The following ZNF593 variants were observed in gnomAD, a reference collection of about 807,000 sequenced individuals.
ZNF593 encodes the protein BUD20 homolog.
ZNF593 carries 18 observed loss-of-function variants against 12.9 expected under a neutral mutation model. That is an observed-to-expected ratio of 1.40 (90% CI 0.96 to 2.07). ZNF593 has a LOEUF of 2.07. Among genes scored for constraint, ZNF593 ranks in the 30% most tolerant of loss-of-function variants. ZNF593 has a pLI of 0.00. For synonymous variants in ZNF593, 79 were observed against 79.9 expected, an observed-to-expected ratio of 0.99 and a Z score of 0.06; for missense variants, 198 against 186.7, an observed-to-expected ratio of 1.06 and a Z score of -0.35.
In ZNF593 at chr1:26,170,126, A is replaced by T; in HGVS notation, c.143A>T (p.Asn48Ile). ...QGSARPQPDP[N>I]AEFDPDLPGG... ...TCCGCACGACCCCAGCCCGACCCAA[A>T]CGCCGAGTTCGACCCCGACCTGCCA... Residue 48 changes from asparagine (N) to isoleucine (I), a missense_variant, in exon 1 of 3, where the codon AAC becomes ATC. Coordinates refer to ENST00000374266, the MANE Select transcript of ZNF593 (RefSeq NM_015871.5). The T allele has an allele frequency of 3.2e-6, 5 of 1,571,764 alleles. No homozygotes were observed. The highest frequency in any genetic ancestry group is 4.3e-6 in the Non-Finnish European group (5 of 1,160,908).
intron 2 of ZNF593, 39 bp downstream of exon 2, chr1:26,170,519 C>T (rs771697848): frequency 7.4e-6 from 12 of 1,614,156 alleles, no homozygotes; most frequent in Non-Finnish European, 1.0e-5. Context: ...GATGGGTGCT[C>T]AGCAGATAGG....
chr1:26,170,451 C>A lies in ZNF593; in HGVS notation c.234C>A (p.Thr78=). 1 of 1,614,186 alleles carries A rather than the reference C, an allele frequency of 6.2e-7. No individual in the cohort carries two copies. The highest frequency in any genetic ancestry group is 8.5e-7 in the Non-Finnish European group (1 of 1,180,030). ...TCATCGATTCCACCAACCTGAAGAC[C>A]CACTTCCGATCCAAAGACCACAAGA... ...RYFIDSTNLK[T]HFRSKDHKKR... The change falls in exon 2 of 3, where the codon ACC becomes ACA. Residue 78 remains threonine, a synonymous_variant. Coordinates refer to ENST00000374266, the MANE Select transcript of ZNF593 (RefSeq NM_015871.5).
At position 26,170,177 on chromosome 1, in the gene ZNF593, C is replaced by T; in HGVS notation, c.194C>T (p.Ala65Val). The T allele has an allele frequency of 1.3e-6, 2 of 1,572,048 alleles. No homozygotes were observed. Among genetic ancestry groups the T allele is most frequent in the South Asian group, 1.1e-5 (1 of 87,490 alleles). ...GGGGGCGGTCTGCACCGCTGTCTGG[C>T]CTGCGCGTGAGTCCCGGACGAGCCC... ...LPGGGLHRCL[A>V]CARYFIDSTN... The change falls in exon 1 of 3, where the codon GCC (alanine) becomes GTC (valine). Residue 65 changes from alanine to valine, a missense_variant. Transcript: ENST00000374266.
Position 26,170,094 on chromosome 1 carries a change from T to C in ZNF593, c.111T>C (p.Pro37=). The part of the protein sequence containing the change: ...DLDEIHRELR[P]QGSARPQPDP... ...ATGAGATTCACCGCGAGCTGCGGCC[T>C]CAGGGATCCGCACGACCCCAGCCCG... The change falls in exon 1 of 3, where the codon CCT becomes CCC. Residue 37 remains proline, a synonymous_variant. Transcript: ENST00000374266. The C allele has an allele frequency of 6.4e-7, 1 of 1,571,604 alleles. No homozygotes were observed. The highest frequency in any genetic ancestry group is 8.6e-7 in the Non-Finnish European group (1 of 1,161,030).
rs1331241966 is a variant in ZNF593, at chr1:26,170,821, G to A, written c.*105G>A. 7.0e-6 allele frequency: 10 copies of A among 1,426,214 alleles called. No homozygotes were observed. The South Asian group carries it at 8.3e-5, about 12-fold the overall frequency. 88.3% of individuals were successfully genotyped at this position (1,426,214 alleles called of 1,614,324 possible). ...CCTTTTGCCTCTGGGTTTGGGGAGC[G>A]GAGGGCCTCTTCTTGGTGCCCTGCC... On this transcript the variant is annotated 3_prime_UTR_variant, in exon 3 of 3. Transcript: ENST00000374266.
chr1:26,170,064 C>G lies in ZNF593; in HGVS notation c.81C>G (p.Asp27Glu). 6.4e-7 allele frequency: 1 copy of G among 1,574,118 alleles called. No homozygotes were observed. Among genetic ancestry groups the G allele is most frequent in the Non-Finnish European group, 8.6e-7 (1 of 1,163,200 alleles). The change falls in exon 1 of 3, where the codon GAC (aspartate) becomes GAG (glutamate). Residue 27 changes from aspartate (D) to glutamate (E), a missense_variant. Physicochemically the swap from Asp to Glu is conservative, Grantham distance 45. Coordinates refer to ENST00000374266, the MANE Select transcript of ZNF593 (RefSeq NM_015871.5). ...RQMKAKRRRP[D>E]LDEIHRELRP... is the part of the protein sequence containing the mutation. Reference sequence around the variant, plus strand: ...TGAAGGCGAAGCGGCGGCGGCCGGACTTGGATGAGATTCACCGCGAGCTGC... The same window carrying G: ...TGAAGGCGAAGCGGCGGCGGCCGGAGTTGGATGAGATTCACCGCGAGCTGC...
Position 26,170,188 on chromosome 1 carries a change from G to A in ZNF593, c.200+5G>A, listed in dbSNP as rs2088472390. The A allele has an allele frequency of 6.4e-7, 1 of 1,573,400 alleles. No homozygotes were observed. The highest frequency in any genetic ancestry group is 1.1e-5 in the South Asian group (1 of 87,812). On this transcript the variant is annotated splice_donor_5th_base_variant and intron_variant, in intron 1 of 2. Coordinates refer to ENST00000374266, the MANE Select transcript of ZNF593 (RefSeq NM_015871.5). ...GCACCGCTGTCTGGCCTGCGCGTGAGTCCCGGACGAGCCCGGCCTGGGGCG... is the reference window on the plus strand; with the variant it reads ...GCACCGCTGTCTGGCCTGCGCGTGAATCCCGGACGAGCCCGGCCTGGGGCG...
chr1:26,170,300 C>T, intron 1 of ZNF593, 117 bp downstream of exon 1: 1 of 1,521,656 alleles, frequency 6.6e-7, no homozygotes, highest in Admixed American at 1.9e-5. Flanking sequence ...CGTGGGTCCG[C>T]CCGCCTCCCG....
At chr1:26,170,222 T>A in intron 1 of ZNF593, 39 bp downstream of exon 1, 1 of 1,580,478 alleles carries the variant, frequency 6.3e-7, no homozygotes, top group Non-Finnish European at 8.6e-7. Context: ...CGGAGGAGGG[T>A]CCGCGGTACC....
chr1:26,170,048 A>G lies in ZNF593; in HGVS notation c.65A>G (p.Lys22Arg), dbSNP rs370780664. The G allele has an allele frequency of 1.3e-6, 2 of 1,573,960 alleles. No homozygotes were observed. The change falls in exon 1 of 3, where the codon AAG becomes AGG. Residue 22 changes from lysine (K) to arginine (R), a missense_variant. Physicochemically the swap from Lys to Arg is conservative, Grantham distance 26. Transcript: ENST00000374266. ...TCTCTAGCCCGGCAGATGAAGGCGA[A>G]GCGGCGGCGGCCGGACTTGGATGAG... is the stretch of plus-strand genomic sequence containing the variant. ...AHSLARQMKAKRRRPDLDEIH... is the reference protein window; with the variant it reads ...AHSLARQMKARRRRPDLDEIH...
At position 26,170,816 on chromosome 1, in the gene ZNF593, G is replaced by C. The variant is rs1044433282; in HGVS notation, c.*100G>C. On this transcript the variant is annotated 3_prime_UTR_variant, in exon 3 of 3. Coordinates refer to ENST00000374266, the MANE Select transcript of ZNF593 (RefSeq NM_015871.5). ...CAACCCCTTTTGCCTCTGGGTTTGGGGAGCGGAGGGCCTCTTCTTGGTGCC... is the reference window on the plus strand; with the variant it reads ...CAACCCCTTTTGCCTCTGGGTTTGGCGAGCGGAGGGCCTCTTCTTGGTGCC... The C allele has an allele frequency of 6.9e-7, 1 of 1,448,454 alleles. No homozygotes were observed. Among genetic ancestry groups the C allele is most frequent in the African/African-American group, 1.4e-5 (1 of 70,748 alleles). The allele number at this position is 1,448,454 out of a possible 1,614,324, so 89.7% of individuals were successfully genotyped here. A position where few individuals can be genotyped will look rare whatever the true frequency, so the allele number is the denominator to read the frequency against.
At chr1:26,170,324 G>T in intron 1 of ZNF593, 94 bp from the exon 2 acceptor site, 2 of 1,535,254 alleles carry the variant, frequency 1.3e-6, no homozygotes, top group Non-Finnish European at 1.8e-6. Context: ...CTCAGACCCG[G>T]ATCCTGGCGT....
chr1:26,170,098 G>A lies in ZNF593; in HGVS notation c.115G>A (p.Gly39Arg), dbSNP rs1391505162. ...GATTCACCGCGAGCTGCGGCCTCAG[G>A]GATCCGCACGACCCCAGCCCGACCC... ...DEIHRELRPQ[G>R]SARPQPDPNA... Residue 39 changes from glycine to arginine, a missense_variant, in exon 1 of 3, where the codon GGA becomes AGA. Coordinates refer to ENST00000374266, the MANE Select transcript of ZNF593 (RefSeq NM_015871.5). 6.4e-7 allele frequency: 1 copy of A among 1,570,700 alleles called. No homozygotes were observed. The highest frequency in any genetic ancestry group is 8.6e-7 in the Non-Finnish European group (1 of 1,160,466).
At position 26,170,157 on chromosome 1, in the gene ZNF593, C is replaced by A. The variant is rs1467263576; in HGVS notation, c.174C>A (p.Gly58=). ...NAEFDPDLPG[G]GLHRCLACAR... is the part of the protein sequence containing the mutation. ...AGTTCGACCCCGACCTGCCAGGGGGCGGTCTGCACCGCTGTCTGGCCTGCG... is the reference window on the plus strand; with the variant it reads ...AGTTCGACCCCGACCTGCCAGGGGGAGGTCTGCACCGCTGTCTGGCCTGCG... The change falls in exon 1 of 3, where the codon GGC becomes GGA. Residue 58 remains glycine (G), a synonymous_variant. Coordinates refer to ENST00000374266, the MANE Select transcript of ZNF593 (RefSeq NM_015871.5). The A allele has an allele frequency of 6.4e-7, 1 of 1,570,730 alleles. No homozygotes were observed. The highest frequency in any genetic ancestry group is 8.6e-7 in the Non-Finnish European group (1 of 1,160,862).
chr1:26,170,323 G>A, intron 1 of ZNF593, 95 bp from the exon 2 acceptor site: 3 of 1,532,430 alleles, frequency 2.0e-6, no homozygotes, highest in South Asian at 2.4e-5. Flanking sequence ...TCTCAGACCC[G>A]GATCCTGGCG....
Position 26,170,172 on chromosome 1 carries a change from T to C in ZNF593, c.189T>C (p.Cys63=). The C allele has an allele frequency of 3.2e-6, 5 of 1,571,816 alleles. No homozygotes were observed. Among genetic ancestry groups the C allele is most frequent in the Non-Finnish European group, 4.3e-6 (5 of 1,162,102 alleles). Residue 63 remains cysteine, a synonymous_variant, in exon 1 of 3, where the codon TGT becomes TGC. Transcript: ENST00000374266. ...TGCCAGGGGGCGGTCTGCACCGCTG[T>C]CTGGCCTGCGCGTGAGTCCCGGACG... ...PDLPGGGLHR[C]LACARYFIDS...
At position 26,170,089 on chromosome 1, in the gene ZNF593, C is replaced by G; in HGVS notation, c.106C>G (p.Arg36Gly). The G allele has an allele frequency of 6.4e-7, 1 of 1,571,962 alleles. No homozygotes were observed. The highest frequency in any genetic ancestry group is 8.6e-7 in the Non-Finnish European group (1 of 1,161,368). The change falls in exon 1 of 3, where the codon CGG (arginine) becomes GGG (glycine). Residue 36 changes from arginine to glycine, a missense_variant. Physicochemically the swap from Arg to Gly is moderately radical, Grantham distance 125. Transcript: ENST00000374266. ...PDLDEIHRELRPQGSARPQPD... is the reference protein window; with the variant it reads ...PDLDEIHRELGPQGSARPQPD... ...CTTGGATGAGATTCACCGCGAGCTG[C>G]GGCCTCAGGGATCCGCACGACCCCA...
chr1:26,170,311 T>C, intron 1 of ZNF593, 107 bp from the exon 2 acceptor site: 3 of 1,529,392 alleles, frequency 2.0e-6, no homozygotes, highest in Non-Finnish European at 2.6e-6. Context: ...CCGCCTCCCG[T>C]TTCTCAGACC....
chr1:26,170,281 CTT>C lies in ZNF593; in HGVS notation c.200+99_200+100del. 3.9e-6 allele frequency: 6 copies of C among 1,543,846 alleles called. No individual in the cohort carries two copies. The South Asian group carries it at 6.0e-5, about 16-fold the overall frequency. ...CCCCAGGCAGCGCAGAGTCTTCTCTCTTGGGACCCGTGGGTCCGCCCGCCTCC... is the reference window on the plus strand; with the variant it reads ...CCCCAGGCAGCGCAGAGTCTTCTCTCGGGACCCGTGGGTCCGCCCGCCTCC... On this transcript the variant is annotated intron_variant, in intron 1 of 2. Coordinates refer to ENST00000374266, the MANE Select transcript of ZNF593 (RefSeq NM_015871.5).
Sources: allele counts gnomAD v4.1 joint callset, GRCh38; gene constraint gnomAD v4.1.1; transcripts MANE v1.5; gene names NCBI Gene and HGNC (gene_info 2026-07-23, HGNC 2026-07-21).